MBOAT2: variants seen among roughly 807,000 people sequenced by gnomAD.
MBOAT2 encodes membrane bound glycerophospholipid O-acyltransferase 2.
A neutral mutation model predicts 63.4 loss-of-function variants in MBOAT2; 28 were observed. That is an observed-to-expected ratio of 0.44 (90% CI 0.33 to 0.61). MBOAT2 has a LOEUF of 0.61. Ranked by LOEUF, MBOAT2 falls within the 20% of genes least tolerant of loss-of-function variation. The pLI is 0.03. For synonymous variants in MBOAT2, 211 were observed against 215.6 expected, an observed-to-expected ratio of 0.98 and a Z score of 0.19; for missense variants, 470 against 605.8, an observed-to-expected ratio of 0.78 and a Z score of 2.35.
At chr2:8,989,971 G>A (rs1449856203) in intron 1 of MBOAT2, among the ~76,000 whole-genome samples, 1 of 152,206 alleles carries the variant, frequency 6.6e-6, no homozygotes, top group African/African-American at 2.4e-5. Flanking sequence ...CACACAGCTT[G>A]TAAGGGATGC....
chr2:8,892,540 A>C (rs1664080070), intron 4 of MBOAT2, among the ~76,000 whole-genome samples: 1 of 152,230 alleles, frequency 6.6e-6, no homozygotes, highest in Admixed American at 6.5e-5. Flanking sequence ...ATACAATGTG[A>C]ACAAGACAGG....
At chr2:8,937,738 G>T (rs1667766629) in intron 3 of MBOAT2, among the ~76,000 whole-genome samples, 1 of 152,152 alleles carries the variant, frequency 6.6e-6, no homozygotes, top group Non-Finnish European at 1.5e-5. Context: ...AGGCAAAGGA[G>T]TCGGTAGAGG....
At chr2:8,879,991 C>T (rs1382579975) in intron 6 of MBOAT2, among the ~76,000 whole-genome samples, 1 of 151,962 alleles carries the variant, frequency 6.6e-6, no homozygotes, top group Non-Finnish European at 1.5e-5. Flanking sequence ...GAAGCGTGGT[C>T]GAGCTCTGGG....
chr2:8,917,714 G>C (rs1666286973), intron 3 of MBOAT2, among the ~76,000 whole-genome samples: 1 of 152,124 alleles, frequency 6.6e-6, no homozygotes, highest in Non-Finnish European at 1.5e-5. Context: ...CGATGCTCCA[G>C]CAATTCCTCT....
At chr2:8,919,346 T>A (rs1666410212) in intron 3 of MBOAT2, among the ~76,000 whole-genome samples, 1 of 152,268 alleles carries the variant, frequency 6.6e-6, no homozygotes, top group Non-Finnish European at 1.5e-5. Context: ...AAGCAACGTA[T>A]GAAGATTCTA....
At position 8,888,081 on chromosome 2, in the gene MBOAT2, A is replaced by G. The variant is rs1663694470; in HGVS notation, c.396-8T>C. 1 of 1,609,528 alleles carries G rather than the reference A, an allele frequency of 6.2e-7. No homozygotes were observed. Among genetic ancestry groups the G allele is most frequent in the East Asian group, 2.2e-5 (1 of 44,742 alleles). On this transcript the variant is annotated splice_polypyrimidine_tract_variant and splice_region_variant and intron_variant, in intron 4 of 12. Coordinates refer to ENST00000305997, the MANE Select transcript of MBOAT2 (RefSeq NM_138799.4). ...GTAATGATCATCATTGGGCTGTGAC[A>G]AGATAAAAAAAATTAGTGTTTTAAA...
intron 1 of MBOAT2, among the ~76,000 whole-genome samples, chr2:8,996,983 C>T (rs554656204): frequency 2.6e-5 from 4 of 152,228 alleles, no homozygotes; most frequent in East Asian, 1.9e-4. Flanking sequence ...ACAGGAAGGA[C>T]GGTTAGGATT....
At chr2:8,952,100 G>A (rs1668877162) in intron 2 of MBOAT2, among the ~76,000 whole-genome samples, 1 of 152,182 alleles carries the variant, frequency 6.6e-6, no homozygotes, top group Admixed American at 6.5e-5. Flanking sequence ...CTGCATCCCA[G>A]AGATTTTGGT....
intron 3 of MBOAT2, among the ~76,000 whole-genome samples, chr2:8,920,768 T>C (rs1325708345): frequency 1.3e-5 from 2 of 152,228 alleles, no homozygotes; most frequent in African/African-American, 4.8e-5. Context: ...TTTATTCTTT[T>C]TGATGCTGCT....
intron 1 of MBOAT2, among the ~76,000 whole-genome samples, chr2:8,993,594 C>T (rs555560193): frequency 1.2e-4 from 19 of 152,138 alleles, no homozygotes; most frequent in Non-Finnish European, 2.1e-4. Context: ...CAGGAAAAGT[C>T]CCCTGGGAAC....
At position 8,854,513 on chromosome 2, in the gene MBOAT2, C is replaced by A. The variant is rs1002903039; in HGVS notation, c.*4166G>T. On this transcript the variant is annotated 3_prime_UTR_variant, in exon 13 of 13. Coordinates refer to ENST00000305997, the MANE Select transcript of MBOAT2 (RefSeq NM_138799.4). ...AAAATACTAGCTTATATCTAAAACTCTGGACAAATTTTTAGCTGACACAGA... is the reference window on the plus strand; with the variant it reads ...AAAATACTAGCTTATATCTAAAACTATGGACAAATTTTTAGCTGACACAGA... 1 of 152,208 alleles carries A rather than the reference C, an allele frequency of 6.6e-6. No homozygotes were observed. The highest frequency in any genetic ancestry group is 2.4e-5 in the African/African-American group (1 of 41,450). The allele number at this position is 152,208 out of a possible 1,614,324, so 9.4% of individuals were successfully genotyped here. A position where few individuals can be genotyped will look rare whatever the true frequency, so the allele number is the denominator to read the frequency against.
chr2:8,868,439 G>T lies in MBOAT2; in HGVS notation c.987+7C>A. The stretch of plus-strand genomic sequence containing the variant: ...TATAGTAACTAACTTCTTAAAGATT[G>T]ACTCACCTCTATTTGTTGAATTCTC... On this transcript the variant is annotated splice_region_variant and intron_variant, in intron 9 of 12. Transcript: ENST00000305997. 2 of 1,609,932 alleles carry T rather than the reference G, an allele frequency of 1.2e-6. No homozygotes were observed. The highest frequency in any genetic ancestry group is 2.2e-5 in the South Asian group (2 of 90,518).
At chr2:8,944,007 G>T (rs1313368938) in intron 2 of MBOAT2, among the ~76,000 whole-genome samples, 1 of 151,982 alleles carries the variant, frequency 6.6e-6, no homozygotes, top group African/African-American at 2.4e-5. Context: ...GGGATTACAG[G>T]TGCCCACCAC....
intron 2 of MBOAT2, among the ~76,000 whole-genome samples, chr2:8,946,893 T>C (rs988350372): frequency 6.6e-6 from 1 of 152,138 alleles, no homozygotes; most frequent in Non-Finnish European, 1.5e-5. Flanking sequence ...TTAATTAACC[T>C]ACAATGGCCT....
chr2:8,870,613 C>T (rs1662241623), intron 8 of MBOAT2, among the ~76,000 whole-genome samples: 1 of 152,166 alleles, frequency 6.6e-6, no homozygotes, highest in Non-Finnish European at 1.5e-5. Flanking sequence ...CATGCTGAGC[C>T]TCAGCTGGCT....
intron 3 of MBOAT2, among the ~76,000 whole-genome samples, chr2:8,927,944 T>TA (rs377588614): frequency 9.2e-5 from 14 of 152,196 alleles, no homozygotes; most frequent in African/African-American, 3.1e-4. Flanking sequence ...GGTACTGACA[T>TA]ACGCTTGGCT....
chr2:8,862,553 G>C lies in MBOAT2; in HGVS notation c.1185+37C>G, dbSNP rs1420799862. ...CTCAGCCTTTTTAACAGTTCAAGTG[G>C]ACCATTGAATTGTAAAATAAAATTC... On this transcript the variant is annotated intron_variant, in intron 11 of 12. Transcript: ENST00000305997. The surrounding 1 kb of genome is among the most constrained non-coding windows in gnomAD (Gnocchi z 4.3). 6.3e-7 allele frequency: 1 copy of C among 1,590,252 alleles called. No homozygotes were observed. The highest frequency in any genetic ancestry group is 8.6e-7 in the Non-Finnish European group (1 of 1,168,926).
chr2:8,904,711 A>T (rs1558597693), intron 4 of MBOAT2, among the ~76,000 whole-genome samples: 3 of 152,144 alleles, frequency 2.0e-5, no homozygotes, highest in Admixed American at 2.0e-4. Flanking sequence ...CAGGTTCTGT[A>T]CATTTCTTTT....
chr2:8,953,311 A>G (rs1162312408), intron 2 of MBOAT2, among the ~76,000 whole-genome samples: 1 of 152,178 alleles, frequency 6.6e-6, no homozygotes, highest in Non-Finnish European at 1.5e-5. Flanking sequence ...TTGTAAGGTT[A>G]GCCTGATGGG....
Sources: gnomAD v4.1 joint callset for allele counts (sites outside exome capture counted in the v4.1 genomes callset) on GRCh38, gnomAD v4.1.1 for gene constraint, Gnocchi (gnomAD v3.1) non-coding constraint, MANE v1.5 for transcripts, NCBI Gene and HGNC (gene_info 2026-07-23, HGNC 2026-07-21) for gene names.